CDH12: variants seen among roughly 807,000 people sequenced by gnomAD.
CDH12 encodes the protein cadherin 12.
A neutral mutation model predicts 74.1 loss-of-function variants in CDH12; 41 were observed. The ratio of observed to expected loss-of-function variants is 0.55; its 90% CI spans 0.43 to 0.72. The LOEUF (loss-of-function observed/expected upper bound fraction) is 0.72. Ranked by LOEUF, CDH12 falls within the 30% of genes least tolerant of loss-of-function variation. The probability of loss-of-function intolerance (pLI) is 0.00; values close to 1 mark genes in which losing one functional copy is unlikely to be tolerated. For synonymous variants in CDH12, 399 were observed against 355.0 expected (o/e 1.12, Z -1.39); for missense variants, 945 against 977.2 (o/e 0.97, Z 0.44).
chr5:22,598,458 T>C (rs148839443), intron 1 of CDH12, among the ~76,000 whole-genome samples: 2 of 152,124 alleles, frequency 1.3e-5, no homozygotes, highest in African/African-American at 4.8e-5. Context: ...AGCCCTGTGA[T>C]GAGGTGCCTT....
At chr5:22,078,047 TTC>T (rs1422676423) in intron 5 of CDH12, among the ~76,000 whole-genome samples, 1 of 152,124 alleles carries the variant, frequency 6.6e-6, no homozygotes, top group East Asian at 1.9e-4. Context: ...CTGGTGATTC[TTC>T]TCTGTGTCTC....
chr5:22,203,322 G>A (rs543817534), intron 4 of CDH12, among the ~76,000 whole-genome samples: 1 of 151,964 alleles, frequency 6.6e-6, no homozygotes, highest in Non-Finnish European at 1.5e-5. Flanking sequence ...TTCAGATACC[G>A]CATTTGAGTG....
At chr5:22,821,735 TACAA>T (rs1264560283) in intron 1 of CDH12, among the ~76,000 whole-genome samples, 1 of 149,982 alleles carries the variant, frequency 6.7e-6, no homozygotes, top group African/African-American at 2.5e-5. Flanking sequence ...TAAAAGAGGA[TACAA>T]ACAAATGGAA....
In CDH12 at chr5:22,493,539, A is replaced by G. The variant is rs967953864; in HGVS notation, c.-428+11731T>C. The stretch of plus-strand genomic sequence containing the variant: ...TAGCTTTAGAGGACAGGGAGCATGC[A>G]CTATTTCAAAAATAGTTTTTTTGGT... On this transcript the variant is annotated intron_variant, in intron 2 of 14. Coordinates refer to ENST00000382254, the MANE Select transcript of CDH12 (RefSeq NM_004061.5). Among the ~76,000 whole-genome samples the G allele has an allele frequency of 2.0e-5, 3 of 150,892 alleles. No individual in the cohort carries two copies. In the Admixed American group the frequency reaches 2.0e-4, roughly 10 times the overall value.
At chr5:22,570,253 T>A (rs554724005) in intron 1 of CDH12, among the ~76,000 whole-genome samples, 19 of 151,910 alleles carry the variant, frequency 1.3e-4, no homozygotes, top group African/African-American at 4.6e-4. Flanking sequence ...TTCACCGTGT[T>A]GGTAAGGCTG....
intron 1 of CDH12, among the ~76,000 whole-genome samples, chr5:22,828,609 G>A (rs1736445873): frequency 6.6e-6 from 1 of 152,168 alleles, no homozygotes; most frequent in South Asian, 2.1e-4. Flanking sequence ...TCCGCTGAAG[G>A]AATAAATATT....
At chr5:22,526,927 T>C (rs1046157198) in intron 1 of CDH12, among the ~76,000 whole-genome samples, 1 of 152,112 alleles carries the variant, frequency 6.6e-6, no homozygotes, top group African/African-American at 2.4e-5. Flanking sequence ...ATTTCCCACC[T>C]GGGGAAATTA....
chr5:22,414,045 A>T (rs1053262950), intron 2 of CDH12, among the ~76,000 whole-genome samples: 1 of 151,998 alleles, frequency 6.6e-6, no homozygotes, highest in African/African-American at 2.4e-5. Context: ...CAGATAATTT[A>T]TGTTTATAAT....
intron 3 of CDH12, among the ~76,000 whole-genome samples, chr5:22,320,815 C>T (rs1314000997): frequency 6.6e-6 from 1 of 152,176 alleles, no homozygotes; most frequent in Non-Finnish European, 1.5e-5. Flanking sequence ...TTATTTGTCA[C>T]TATCTTCACT....
intron 6 of CDH12, among the ~76,000 whole-genome samples, chr5:21,938,738 A>ATATATATATATATATATATATAT (rs1561313540): frequency 4.3e-5 from 6 of 138,440 alleles, no homozygotes; most frequent in African/African-American, 1.7e-4. Flanking sequence ...ATATATATAT[A>ATATATATATATATATATATATAT]TATATATATA....
At position 22,749,909 on chromosome 5, in the gene CDH12, A is replaced by T. The variant is rs572210198; in HGVS notation, c.-523+103149T>A. Among the ~76,000 whole-genome samples the T allele has an allele frequency of 2.0e-5, 3 of 152,330 alleles. No individual in the cohort carries two copies. In the South Asian group the frequency reaches 6.2e-4, roughly 32 times the overall value. On this transcript the variant is annotated intron_variant, in intron 1 of 14. Transcript: ENST00000382254. ...TTAGCATTATTTTTGAGTTGCATAG[A>T]CACACACAAAATCACTTAGGCACAC...
chr5:22,815,331 A>G (rs1007394426), intron 1 of CDH12, among the ~76,000 whole-genome samples: 4 of 152,192 alleles, frequency 2.6e-5, no homozygotes, highest in Non-Finnish European at 5.9e-5. Flanking sequence ...GAGGCATGGA[A>G]AGTAGAGATG....
chr5:22,457,937 G>A (rs190429927), intron 2 of CDH12, among the ~76,000 whole-genome samples: 3 of 152,162 alleles, frequency 2.0e-5, no homozygotes, highest in South Asian at 2.1e-4. Context: ...TAAAGACGGG[G>A]TTTCACCACC....
chr5:22,491,455 A>C (rs143624740), intron 2 of CDH12, among the ~76,000 whole-genome samples: 3 of 152,060 alleles, frequency 2.0e-5, no homozygotes, highest in African/African-American at 7.2e-5. Flanking sequence ...AATTCATGGG[A>C]TCATCTATTA....
intron 3 of CDH12, among the ~76,000 whole-genome samples, chr5:22,217,328 T>A (rs10941942): frequency 0.37 from 56,605 of 151,554 alleles, 11,500 homozygotes; most frequent in Admixed American, 0.48. Context: ...GTAAAATTAA[T>A]GTAAAGGTAA....
intron 1 of CDH12, among the ~76,000 whole-genome samples, chr5:22,615,873 T>C (rs919533941): frequency 2.6e-5 from 4 of 152,068 alleles, no homozygotes; most frequent in Non-Finnish European, 4.4e-5. Flanking sequence ...AGGGGGTAGA[T>C]CATCCACAGA....
intron 3 of CDH12, among the ~76,000 whole-genome samples, chr5:22,316,811 C>T (rs1442352963): frequency 6.6e-6 from 1 of 151,880 alleles, no homozygotes; most frequent in Non-Finnish European, 1.5e-5. Flanking sequence ...TATTTATATT[C>T]AAGTAGGAAA....
At chr5:22,519,299 C>A (rs1258858689) in intron 1 of CDH12, among the ~76,000 whole-genome samples, 1 of 152,074 alleles carries the variant, frequency 6.6e-6, no homozygotes, top group Admixed American at 6.6e-5. Context: ...TTTTTATTCT[C>A]TATAGGCCAT....
At chr5:22,845,283 A>G (rs762749129) in intron 1 of CDH12, among the ~76,000 whole-genome samples, 1 of 152,182 alleles carries the variant, frequency 6.6e-6, no homozygotes, top group Non-Finnish European at 1.5e-5. Flanking sequence ...AATGATTAGT[A>G]CATTTATAGG....
Sources: allele counts gnomAD v4.1 joint callset (sites outside exome capture counted in the v4.1 genomes callset), GRCh38; gene constraint gnomAD v4.1.1; transcripts MANE v1.5; gene names NCBI Gene and HGNC (gene_info 2026-07-23, HGNC 2026-07-21).